The following RRBP1 variants were observed in gnomAD, a reference collection of about 807,000 sequenced individuals.
RRBP1 encodes the protein ribosome binding protein 1.
A neutral mutation model predicts 165.2 loss-of-function variants in RRBP1; 94 were observed. The observed-to-expected ratio is 0.57, with a 90% confidence interval of 0.48 to 0.68. RRBP1 has a LOEUF of 0.68. Ranked by LOEUF, RRBP1 falls within the 30% of genes least tolerant of loss-of-function variation. RRBP1 has a pLI of 0.00. For missense variants in RRBP1, 1,676 were observed against 1,763.0 expected (o/e 0.95, Z 0.88); for synonymous variants, 680 against 714.5 (o/e 0.95, Z 0.77).
chr20:17,621,992 G>T, intron 13 of RRBP1, 45 bp from the exon 14 acceptor site: 2 of 1,479,104 alleles, frequency 1.4e-6, no homozygotes, highest in Non-Finnish European at 1.9e-6. Context: ...AGCTGTGGAG[G>T]TGTGGGGCAC....
intron 2 of RRBP1, among the ~76,000 whole-genome samples, chr20:17,663,390 G>A (rs888242658): frequency 7.9e-5 from 12 of 152,226 alleles, no homozygotes; most frequent in African/African-American, 2.7e-4. Flanking sequence ...ACAAACTCGG[G>A]AGAATATTTT....
intron 5 of RRBP1, among the ~76,000 whole-genome samples, chr20:17,637,285 C>T (rs2036265823): frequency 6.6e-6 from 1 of 152,180 alleles, no homozygotes; most frequent in Admixed American, 6.5e-5. Context: ...CAGATACCCA[C>T]AGGTGAACAT....
At chr20:17,616,119 T>G in intron 21 of RRBP1, 110 bp from the exon 22 acceptor site, 6 of 868,662 alleles carry the variant, frequency 6.9e-6, no homozygotes, top group East Asian at 2.7e-5. Flanking sequence ...CCCCTTTCCC[T>G]GCCCCAACGC....
At chr20:17,679,284 G>T (rs961874913) in intron 2 of RRBP1, among the ~76,000 whole-genome samples, 3 of 152,234 alleles carry the variant, frequency 2.0e-5, no homozygotes, top group African/African-American at 7.2e-5. Flanking sequence ...AGACAGCTGG[G>T]AATAGTTTAA....
chr20:17,619,752 C>T (rs1239439304), intron 18 of RRBP1, 24 bp from the exon 19 acceptor site: 5 of 1,547,904 alleles, frequency 3.2e-6, no homozygotes, highest in Non-Finnish European at 2.7e-6. Flanking sequence ...CAGACACGCA[C>T]ACGCATGCGC....
intron 11 of RRBP1, among the ~76,000 whole-genome samples, chr20:17,626,568 G>T (rs3790326): frequency 1.3e-5 from 2 of 152,042 alleles, no homozygotes; most frequent in Non-Finnish European, 2.9e-5. Flanking sequence ...TGATGGCCTA[G>T]GACACATCTG....
chr20:17,644,443 G>T (rs1285088017), intron 3 of RRBP1, among the ~76,000 whole-genome samples: 3 of 152,148 alleles, frequency 2.0e-5, no homozygotes, highest in Non-Finnish European at 4.4e-5. Context: ...AACATGCATG[G>T]CTCACTCTCG....
chr20:17,636,692 TC>T lies in RRBP1; in HGVS notation c.2221del (p.Glu741ArgfsTer4). The T allele has an allele frequency of 6.2e-7, 1 of 1,613,244 alleles. No homozygotes were observed. ...CACCAGCTGCTTTTTCACTTTGGCCTCCCCGGCTGCTGCTTTGGCCTTTTCT... is the reference window on the plus strand; with the variant it reads ...CACCAGCTGCTTTTTCACTTTGGCCTCCCGGCTGCTGCTTTGGCCTTTTCT... ...AAEKAKAAAGEAKVKKQLVAR... is the reference protein window; with the variant it reads ...AAEKAKAAAGXAKVKKQLVAR... On this transcript the variant is annotated frameshift_variant, in exon 6 of 25. Transcript: ENST00000377813. LOFTEE classifies it high-confidence loss of function.
intron 20 of RRBP1, among the ~76,000 whole-genome samples, chr20:17,617,501 T>G (rs2035824341): frequency 6.6e-6 from 1 of 152,164 alleles, no homozygotes; most frequent in Non-Finnish European, 1.5e-5. Flanking sequence ...CATTCTTCCC[T>G]CCCTCTGAAC....
intron 2 of RRBP1, among the ~76,000 whole-genome samples, chr20:17,676,518 A>G (rs933689755): frequency 6.6e-6 from 1 of 152,176 alleles, no homozygotes; most frequent in African/African-American, 2.4e-5. Flanking sequence ...TCCACACAGC[A>G]GCTCCGTGGG....
chr20:17,652,521 C>T (rs3790309), intron 3 of RRBP1, among the ~76,000 whole-genome samples: 1,717 of 152,178 alleles, frequency 0.011, 70 homozygotes, highest in East Asian at 0.072. Flanking sequence ...CCTCCCAGAT[C>T]CCCGCAGCAC....
chr20:17,614,165 T>C lies in RRBP1; in HGVS notation c.*17A>G, dbSNP rs1600719836. 2 of 1,613,692 alleles carry C rather than the reference T, an allele frequency of 1.2e-6. No homozygotes were observed. Among genetic ancestry groups the C allele is most frequent in the African/African-American group, 2.7e-5 (2 of 75,062 alleles). On this transcript the variant is annotated 3_prime_UTR_variant, in exon 25 of 25. Coordinates refer to ENST00000377813, the MANE Select transcript of RRBP1 (RefSeq NM_001365613.2). Reference sequence around the variant, plus strand: ...TTTGGTAAGTTGAACAGTAACTTCTTTTTCCAAAGAGGAAACTCAGACAGA... The same window carrying C: ...TTTGGTAAGTTGAACAGTAACTTCTCTTTCCAAAGAGGAAACTCAGACAGA...
chr20:17,660,367 C>T lies in RRBP1; in HGVS notation c.141G>A (p.Lys47=). 1 of 1,614,138 alleles carries T rather than the reference C, an allele frequency of 6.2e-7. No homozygotes were observed. Among genetic ancestry groups the T allele is most frequent in the South Asian group, 1.1e-5 (1 of 91,074 alleles). ...SYEEALANQR[K]EMAKTHHQKV... ...TCTGGTGGTGAGTTTTCGCCATCTC[C>T]TTGCGCTGGTTGGCTAGGGCTTCTT... Residue 47 remains lysine (K), a synonymous_variant, in exon 3 of 25, where the codon AAG becomes AAA. Transcript: ENST00000377813.
intron 13 of RRBP1, chr20:17,623,096 A>G (rs2035947758): frequency 6.6e-6 from 1 of 152,254 alleles, no homozygotes; most frequent in Non-Finnish European, 1.5e-5. Flanking sequence ...CCCAGAGGCC[A>G]CCTTCTATCT....
chr20:17,619,391 C>A (rs1252448494), intron 19 of RRBP1: 1 of 423,968 alleles, frequency 2.4e-6, no homozygotes, highest in African/African-American at 2.0e-5. Flanking sequence ...TCCCTCGGGG[C>A]AGGGCTGCCT....
intron 12 of RRBP1, among the ~76,000 whole-genome samples, 172 bp downstream of exon 12, chr20:17,625,340 G>C (rs2035995870): frequency 6.6e-6 from 1 of 152,084 alleles, no homozygotes; most frequent in African/African-American, 2.4e-5. Context: ...GCGGAACTCA[G>C]GGGTGAGTAG....
At position 17,619,668 on chromosome 20, in the gene RRBP1, C is replaced by T. The variant is rs199738294; in HGVS notation, c.3640G>A (p.Ala1214Thr). 2.1e-5 allele frequency: 34 copies of T among 1,612,724 alleles called. No individual in the cohort carries two copies. The highest frequency in any genetic ancestry group is 2.6e-5 in the Non-Finnish European group (31 of 1,179,760). ...ELEKHMAAASAECQNYAKEVA... is the reference protein window; with the variant it reads ...ELEKHMAAASTECQNYAKEVA... ...TCCTTGGCGTAGTTCTGGCACTCGG[C>T]GCTGGCGGCCGCCATGTGCTTTTCC... The change falls in exon 19 of 25, where the codon GCC becomes ACC. Residue 1214 changes from alanine (A) to threonine (T), a missense_variant. Ala to Thr is a moderately conservative substitution (Grantham distance 58). Coordinates refer to ENST00000377813, the MANE Select transcript of RRBP1 (RefSeq NM_001365613.2).
intron 2 of RRBP1, among the ~76,000 whole-genome samples, chr20:17,665,754 AG>A (rs541008505): frequency 4.7e-4 from 71 of 152,332 alleles, no homozygotes; most frequent in Middle Eastern, 3.4e-3. Flanking sequence ...CCAGCCACCC[AG>A]GGTCGCTTCC....
At chr20:17,628,857 T>C (rs1247398468) in intron 9 of RRBP1, among the ~76,000 whole-genome samples, 1 of 152,244 alleles carries the variant, frequency 6.6e-6, no homozygotes, top group Non-Finnish European at 1.5e-5. Context: ...GTGATATCAA[T>C]GAAGCTTTCT....
Sources: allele counts gnomAD v4.1 joint callset (sites outside exome capture counted in the v4.1 genomes callset), GRCh38; gene constraint gnomAD v4.1.1; transcripts MANE v1.5; gene names NCBI Gene and HGNC (gene_info 2026-07-23, HGNC 2026-07-21).